The following ZBTB41 variants were observed in gnomAD, a reference collection of about 807,000 sequenced individuals.
ZBTB41 encodes the protein zinc finger and BTB domain containing 41, also known as zinc finger and BTB domain-containing protein 41.
A neutral mutation model predicts 87.6 loss-of-function variants in ZBTB41; 42 were observed. The observed-to-expected ratio is 0.48, with a 90% CI of 0.37 to 0.62. The LOEUF (loss-of-function observed/expected upper bound fraction) is 0.62. Ranked by LOEUF, ZBTB41 falls within the 20% of genes least tolerant of loss-of-function variation. The pLI, the probability that ZBTB41 is intolerant of heterozygous loss-of-function variation, is 0.00. For synonymous variants in ZBTB41, 364 were observed against 364.0 expected (o/e 1.00, Z 0.00); for missense variants, 799 against 1,078.9 (o/e 0.74, Z 3.63).
At chr1:197,161,025 A>C (rs1441160133) in intron 10 of ZBTB41, among the ~76,000 whole-genome samples, 1 of 152,156 alleles carries the variant, frequency 6.6e-6, no homozygotes, top group African/African-American at 2.4e-5. Flanking sequence ...GAAAACGGGA[A>C]TCTCAGTCCT....
At chr1:197,186,359 T>A (rs1659883087) in intron 5 of ZBTB41, among the ~76,000 whole-genome samples, 1 of 151,286 alleles carries the variant, frequency 6.6e-6, no homozygotes, top group Non-Finnish European at 1.5e-5. Flanking sequence ...AAAATGTAGA[T>A]GACCTTAGGT....
In ZBTB41 at chr1:197,168,543, C is replaced by T. The variant is rs1342742063; in HGVS notation, c.2074+3617G>A. ...AAAGGATCATCTTTCCAAAAAATAG[C>T]GCTAAAGCAATTGGATAACCATATG... On this transcript the variant is annotated intron_variant, in intron 10 of 10. Transcript: ENST00000367405. Among the ~76,000 whole-genome samples the T allele has an allele frequency of 5.9e-4, 89 of 151,988 alleles. 1 individual carries two copies. The highest frequency in any genetic ancestry group is 5.8e-3 in the Admixed American group (88 of 15,264).
At chr1:197,184,372 G>A (rs567137179) in intron 5 of ZBTB41, among the ~76,000 whole-genome samples, 26 of 152,230 alleles carry the variant, frequency 1.7e-4, no homozygotes, top group Admixed American at 9.8e-4. Flanking sequence ...CCCTTGTTGC[G>A]CAATAGTGCC....
chr1:197,167,926 CAGAG>C (rs139322975), intron 10 of ZBTB41, among the ~76,000 whole-genome samples: 14 of 150,776 alleles, frequency 9.3e-5, no homozygotes, highest in African/African-American at 3.2e-4. Context: ...CCCTGAAAGA[CAGAG>C]AGAGAGAGAG....
chr1:197,198,621 T>G (rs777711352), intron 2 of ZBTB41, among the ~76,000 whole-genome samples: 1 of 152,160 alleles, frequency 6.6e-6, no homozygotes, highest in Non-Finnish European at 1.5e-5. Flanking sequence ...AGAATTATCT[T>G]ACCTAGCAAA....
At position 197,153,981 on chromosome 1, in the gene ZBTB41, T is replaced by C. The variant is rs1348900461; in HGVS notation, c.*5378A>G. The C allele has an allele frequency of 6.6e-6, 1 of 152,596 alleles. No individual in the cohort carries two copies. Among genetic ancestry groups the C allele is most frequent in the Non-Finnish European group, 1.5e-5 (1 of 68,004 alleles). The allele number at this position is 152,596 out of a possible 1,614,324, so 9.5% of individuals were successfully genotyped here. A position where few individuals can be genotyped will look rare whatever the true frequency, so the allele number is the denominator to read the frequency against. On this transcript the variant is annotated 3_prime_UTR_variant, in exon 11 of 11. Transcript: ENST00000367405. ...AAGTGCAAAAGCATTTCTACTTTAA[T>C]ATACACTGTAAATCCCCATAATCAA... is the stretch of plus-strand genomic sequence containing the variant.
chr1:197,172,138 T>C, intron 10 of ZBTB41, 22 bp downstream of exon 10: 2 of 1,109,388 alleles, frequency 1.8e-6, no homozygotes, highest in Non-Finnish European at 2.4e-6. Context: ...TATATATCTA[T>C]GAACCACTCA....
In ZBTB41 at chr1:197,157,840, TA is replaced by T. The variant is rs1266952790; in HGVS notation, c.*1518del. ...TACTAATTGATTAAACTTTATTCATTAAAACTTCACTGTTTTATTTGTGATT... is the reference window on the plus strand; with the variant it reads ...TACTAATTGATTAAACTTTATTCATTAAACTTCACTGTTTTATTTGTGATT... On this transcript the variant is annotated 3_prime_UTR_variant, in exon 11 of 11. Coordinates refer to ENST00000367405, the MANE Select transcript of ZBTB41 (RefSeq NM_194314.3). The T allele has an allele frequency of 6.6e-6, 1 of 152,406 alleles. No individual in the cohort carries two copies. The highest frequency in any genetic ancestry group is 1.5e-5 in the Non-Finnish European group (1 of 67,854). The allele number at this position is 152,406 out of a possible 1,614,324, so 9.4% of individuals were successfully genotyped here.
In ZBTB41 at chr1:197,159,283, C is replaced by T. The variant is rs1659140949; in HGVS notation, c.*76G>A. The T allele has an allele frequency of 2.8e-6, 4 of 1,415,294 alleles. No homozygotes were observed. Among genetic ancestry groups the T allele is most frequent in the Non-Finnish European group, 3.9e-6 (4 of 1,030,036 alleles). 87.7% of individuals were successfully genotyped at this position (1,415,294 alleles called of 1,614,324 possible). A position where few individuals can be genotyped will look rare whatever the true frequency, so the allele number is the denominator to read the frequency against. ...ACTAGAGAAAACAAGAAAATAGCAG[C>T]CCCACAAATTTAAAAGCTATCATCT... On this transcript the variant is annotated 3_prime_UTR_variant, in exon 11 of 11. Transcript: ENST00000367405.
chr1:197,171,826 A>ATTCTT (rs1659486679), intron 10 of ZBTB41, among the ~76,000 whole-genome samples: 2 of 151,978 alleles, frequency 1.3e-5, no homozygotes, highest in African/African-American at 4.8e-5. Flanking sequence ...AGGCTTAAGA[A>ATTCTT]AAGCCTTCAG....
chr1:197,164,368 G>A (rs1659266466), intron 10 of ZBTB41, among the ~76,000 whole-genome samples: 1 of 151,676 alleles, frequency 6.6e-6, no homozygotes, highest in African/African-American at 2.4e-5. Context: ...AAGCATCAAG[G>A]AATCAATTGT....
chr1:197,193,734 CCAAATACT>C (rs780580534), intron 2 of ZBTB41, among the ~76,000 whole-genome samples: 9 of 152,126 alleles, frequency 5.9e-5, no homozygotes, highest in Admixed American at 6.5e-5. Context: ...AGGAATCAGA[CCAAATACT>C]GGGAAAAGAC....
intron 6 of ZBTB41, among the ~76,000 whole-genome samples, 155 bp downstream of exon 6, chr1:197,180,833 A>G (rs1207794745): frequency 6.6e-6 from 1 of 152,136 alleles, no homozygotes; most frequent in Non-Finnish European, 1.5e-5. Flanking sequence ...ATCTTCCATA[A>G]CATTTGTGTA....
rs201732366 is a variant in ZBTB41 at position 197,188,672 on chromosome 1, AG to A, written c.1399-234del. Among the ~76,000 whole-genome samples, 645 of 152,308 alleles carry A rather than the reference AG, an allele frequency of 4.2e-3. 4 individuals are homozygous for A. The highest frequency in any genetic ancestry group is 0.015 in the African/African-American group (628 of 41,562). On this transcript the variant is annotated intron_variant, in intron 4 of 10. Transcript: ENST00000367405. ...CTGAATTTCAACTCTTTACATTTCT[AG>A]TAGGGATACAGAATAATCATACTAT... is the stretch of plus-strand genomic sequence containing the variant.
chr1:197,176,688 T>A lies in ZBTB41; in HGVS notation c.1773-18A>T. 6.5e-7 allele frequency: 1 copy of A among 1,541,658 alleles called. No homozygotes were observed. Among genetic ancestry groups the A allele is most frequent in the Non-Finnish European group, 9.0e-7 (1 of 1,117,250 alleles). Reference sequence around the variant, plus strand: ...AGTGAAGTCTATAAAGAAAAAAGAATTGAACACCATTAAAACTGGTGACAT... The same window carrying A: ...AGTGAAGTCTATAAAGAAAAAAGAAATGAACACCATTAAAACTGGTGACAT... On this transcript the variant is annotated intron_variant, in intron 7 of 10. Transcript: ENST00000367405.
intron 6 of ZBTB41, among the ~76,000 whole-genome samples, chr1:197,179,920 G>A (rs1659702937): frequency 6.6e-6 from 1 of 151,994 alleles, no homozygotes; most frequent in African/African-American, 2.4e-5. Flanking sequence ...ACAGTAAGCT[G>A]CTGTTCATTT....
At chr1:197,191,944 T>C (rs966175230) in intron 2 of ZBTB41, 45 bp from the exon 3 acceptor site, 6 of 1,453,158 alleles carry the variant, frequency 4.1e-6, no homozygotes, top group Non-Finnish European at 5.5e-6. Context: ...ACATTTGCTA[T>C]ACTGTGATTG....
chr1:197,182,961 T>C (rs1353894984), intron 5 of ZBTB41, among the ~76,000 whole-genome samples: 2 of 152,086 alleles, frequency 1.3e-5, no homozygotes, highest in Non-Finnish European at 2.9e-5. Flanking sequence ...TTATCTGAAG[T>C]GTACAGTGAT....
chr1:197,164,801 T>TAC (rs1250204484), intron 10 of ZBTB41, among the ~76,000 whole-genome samples: 5 of 78,744 alleles, frequency 6.3e-5, no homozygotes, highest in African/African-American at 2.5e-4. Flanking sequence ...ACATATATAA[T>TAC]ATATTATATA....
Sources: allele counts gnomAD v4.1 joint callset (sites outside exome capture counted in the v4.1 genomes callset), GRCh38; gene constraint gnomAD v4.1.1; transcripts MANE v1.5; gene names NCBI Gene and HGNC (gene_info 2026-07-23, HGNC 2026-07-21).